The following SEC63 variants were observed in gnomAD, a reference collection of about 807,000 sequenced individuals.
The protein encoded by SEC63 is translocation protein SEC63 homolog.
A neutral mutation model predicts 116.2 loss-of-function variants in SEC63; 56 were observed. That is an observed-to-expected ratio of 0.48 (90% CI 0.39 to 0.60). The LOEUF is 0.60. Among genes scored for constraint, SEC63 ranks in the 20% least tolerant of loss-of-function variants. SEC63 has a pLI of 0.00. For missense variants in SEC63, 668 were observed against 900.0 expected (o/e 0.74, Z 3.30); for synonymous variants, 273 against 294.6 (o/e 0.93, Z 0.75).
Position 107,888,282 on chromosome 6 carries a change from T to C in SEC63, c.1675-5136A>G, listed in dbSNP as rs1233709869. Among the ~76,000 whole-genome samples the C allele has an allele frequency of 1.3e-5, 2 of 152,212 alleles. 1 individual carries two copies. The highest frequency in any genetic ancestry group is 1.3e-4 in the Admixed American group (2 of 15,282). The stretch of plus-strand genomic sequence containing the variant: ...TCTCATTTCCTTGAGCAGTGGTTTG[T>C]AGTTCTCCTTGAAGAGGTCCTTCAC... On this transcript the variant is annotated intron_variant, in intron 16 of 20. Transcript: ENST00000369002.
chr6:107,929,153 C>T (rs1031626161), intron 2 of SEC63, among the ~76,000 whole-genome samples: 1 of 152,196 alleles, frequency 6.6e-6, no homozygotes, highest in African/African-American at 2.4e-5. Flanking sequence ...AAATTCAAAT[C>T]TTGGCACAAG....
intron 18 of SEC63, 84 bp downstream of exon 18, chr6:107,881,065 C>A: frequency 1.0e-6 from 1 of 972,030 alleles, no homozygotes; most frequent in Non-Finnish European, 1.7e-6. Context: ...CTAATACACA[C>A]GACAGAGGGC....
chr6:107,876,865 G>A lies in SEC63; in HGVS notation c.1936-203C>T, dbSNP rs530721736. 567 of 536,082 alleles carry A rather than the reference G, an allele frequency of 1.1e-3. 1 individual carries two copies. Among genetic ancestry groups the A allele is most frequent in the Non-Finnish European group, 1.4e-3 (419 of 301,132 alleles). The allele number at this position is 536,082 out of a possible 1,614,324, so 33.2% of individuals were successfully genotyped here. On this transcript the variant is annotated intron_variant, in intron 18 of 20. Transcript: ENST00000369002. ...TAGATCCATTGCCTAAAAGCATTTT[G>A]TATGCAATTTTGGGGATTTCAATAG...
At position 107,904,675 on chromosome 6, in the gene SEC63, C is replaced by T; in HGVS notation, c.1008G>A (p.Met336Ile). Residue 336 changes from methionine (M) to isoleucine (I), a missense_variant, in exon 11 of 21, where the codon ATG (methionine) becomes ATA (isoleucine). Transcript: ENST00000369002. ...CTATTAGTTGGCAGATTACATTAAC[C>T]ATTTCTTGAAGTAGGGCAGGACACT... is the stretch of plus-strand genomic sequence containing the variant. ...LKKCPALLQEMVNVICQLIVM... is the reference protein window; with the variant it reads ...LKKCPALLQEIVNVICQLIVM... 1 of 1,613,938 alleles carries T rather than the reference C, an allele frequency of 6.2e-7. No individual in the cohort carries two copies. Among genetic ancestry groups the T allele is most frequent in the Non-Finnish European group, 8.5e-7 (1 of 1,179,854 alleles).
rs567441184 is a variant in SEC63, at chr6:107,946,139, A to G, written c.124+11747T>C. Among the ~76,000 whole-genome samples the G allele has an allele frequency of 4.6e-5, 7 of 151,400 alleles. No homozygotes were observed. The South Asian group carries it at 1.3e-3, about 27-fold the overall frequency. Reference sequence around the variant, plus strand: ...TTTAGTAAAGACGGGGTTTCACCATATTGGCCAGGCTGGTCTCGAACTCCC... The same window carrying G: ...TTTAGTAAAGACGGGGTTTCACCATGTTGGCCAGGCTGGTCTCGAACTCCC... On this transcript the variant is annotated intron_variant, in intron 1 of 20. Transcript: ENST00000369002.
intron 16 of SEC63, among the ~76,000 whole-genome samples, chr6:107,891,817 T>C (rs1173619166): frequency 6.6e-6 from 1 of 152,230 alleles, no homozygotes; most frequent in African/African-American, 2.4e-5. Context: ...CAGGCCCCTC[T>C]GCTGCAGGTC....
At position 107,912,721 on chromosome 6, in the gene SEC63, T is replaced by A. The variant is rs776169212; in HGVS notation, c.568A>T (p.Ile190Phe). The change falls in exon 6 of 21, where the codon ATT becomes TTT. Residue 190 changes from isoleucine to phenylalanine, a missense_variant. By Grantham distance (21) the Ile-to-Phe change is conservative. Coordinates refer to ENST00000369002, the MANE Select transcript of SEC63 (RefSeq NM_007214.5). ...TCTTATTTAAATGCACTCACCAGAA[T>A]TGAGTTTTTCTGGTCAACTATCCAA... ...PAWIVDQKNSILVLLVYGLAF... is the reference protein window; with the variant it reads ...PAWIVDQKNSFLVLLVYGLAF... 1 of 1,602,604 alleles carries A rather than the reference T, an allele frequency of 6.2e-7. No individual in the cohort carries two copies.
chr6:107,951,314 A>C (rs1201125714), intron 1 of SEC63, among the ~76,000 whole-genome samples: 10 of 152,222 alleles, frequency 6.6e-5, no homozygotes, highest in Admixed American at 6.5e-4. Context: ...ATTAATAGAC[A>C]ACTATGATAA....
chr6:107,912,708 G>A lies in SEC63; in HGVS notation c.573+8C>T, dbSNP rs746176109. 20 of 1,573,094 alleles carry A rather than the reference G, an allele frequency of 1.3e-5. No homozygotes were observed. The African/African-American group carries it at 2.3e-4, about 18-fold the overall frequency. On this transcript the variant is annotated splice_region_variant and intron_variant, in intron 6 of 20. Transcript: ENST00000369002. ...ACATCATAATGTATCTTATTTAAAT[G>A]CACTCACCAGAATTGAGTTTTTCTG...
intron 1 of SEC63, among the ~76,000 whole-genome samples, chr6:107,946,839 A>G (rs898931678): frequency 3.3e-5 from 5 of 152,140 alleles, no homozygotes; most frequent in Non-Finnish European, 5.9e-5. Context: ...CCCCGTCTCT[A>G]CTAAAAATAC....
intron 14 of SEC63, 67 bp from the exon 15 acceptor site, chr6:107,893,964 C>T: frequency 6.6e-7 from 1 of 1,523,928 alleles, no homozygotes. Context: ...ACAAACAAAG[C>T]AATCTTTCAA....
At position 107,935,044 on chromosome 6, in the gene SEC63, G is replaced by A. The variant is rs527510780; in HGVS notation, c.125-5530C>T. On this transcript the variant is annotated intron_variant, in intron 1 of 20. Coordinates refer to ENST00000369002, the MANE Select transcript of SEC63 (RefSeq NM_007214.5). ...CCACCCCGTCCGGGAGGTGAGGGGC[G>A]CCTCTGCCCAGCCGCCCCTACTGGG... is the stretch of plus-strand genomic sequence containing the variant. Among the ~76,000 whole-genome samples, 154 of 128,892 alleles carry A rather than the reference G, an allele frequency of 1.2e-3. 1 individual carries two copies. The highest frequency in any genetic ancestry group is 4.3e-3 in the African/African-American group (144 of 33,420). The allele number at this position is 128,892 out of a possible 152,430, so 84.6% of individuals were successfully genotyped here. A position where few individuals can be genotyped will look rare whatever the true frequency, so the allele number is the denominator to read the frequency against.
Position 107,957,870 on chromosome 6 carries a change from G to A in SEC63, c.124+16C>T, listed in dbSNP as rs755101058. Reference sequence around the variant, plus strand: ...GGGCCTGCGCGGGTTCGCGGGCAAAGGCCGGCGGGACTCACCGGCATTCTG... The same window carrying A: ...GGGCCTGCGCGGGTTCGCGGGCAAAAGCCGGCGGGACTCACCGGCATTCTG... On this transcript the variant is annotated intron_variant, in intron 1 of 20. Coordinates refer to ENST00000369002, the MANE Select transcript of SEC63 (RefSeq NM_007214.5). 6.2e-7 allele frequency: 1 copy of A among 1,606,934 alleles called. No individual in the cohort carries two copies. The highest frequency in any genetic ancestry group is 1.3e-5 in the African/African-American group (1 of 74,324).
At chr6:107,912,987 G>T (rs1323567978) in intron 5 of SEC63, among the ~76,000 whole-genome samples, 2 of 152,012 alleles carry the variant, frequency 1.3e-5, no homozygotes, top group Non-Finnish European at 2.9e-5. Flanking sequence ...CAAGGAAAAA[G>T]AAACCCTGTA....
chr6:107,937,977 G>A (rs1370500398), intron 1 of SEC63, among the ~76,000 whole-genome samples: 1 of 152,068 alleles, frequency 6.6e-6, no homozygotes, highest in African/African-American at 2.4e-5. Flanking sequence ...TTATTCTGTA[G>A]GTTGTCTGTT....
At position 107,893,528 on chromosome 6, in the gene SEC63, T is replaced by G; in HGVS notation, c.1628A>C (p.Gln543Pro). 1 of 1,613,486 alleles carries G rather than the reference T, an allele frequency of 6.2e-7. No homozygotes were observed. Among genetic ancestry groups the G allele is most frequent in the Non-Finnish European group, 8.5e-7 (1 of 1,179,880 alleles). The change falls in exon 16 of 21, where the codon CAG becomes CCG. Residue 543 changes from glutamine to proline, a missense_variant. By Grantham distance (76) the Gln-to-Pro change is moderately conservative (BLOSUM62 -1). This residue lies in a region of SEC63 where 430 missense variants were observed against 557.5 expected (regional missense o/e 0.77). Transcript: ENST00000369002. ...KKKPTPVLLP[Q>P]SKQQKQKQAN... ...CTGCTTTTGTTTCTGTTGCTTTGAC[T>G]GTGGTAATAGCACAGGTGTAGGTTT...
chr6:107,954,931 A>G (rs1008621711), intron 1 of SEC63, among the ~76,000 whole-genome samples: 1 of 152,252 alleles, frequency 6.6e-6, no homozygotes, highest in African/African-American at 2.4e-5. Flanking sequence ...TAATTTTCAT[A>G]ACACAATTTT....
At chr6:107,894,040 C>T in intron 14 of SEC63, 143 bp from the exon 15 acceptor site, 1 of 841,906 alleles carries the variant, frequency 1.2e-6, no homozygotes, top group East Asian at 2.7e-5. Context: ...TTAGCAATTA[C>T]TAGCTGATGA....
intron 1 of SEC63, among the ~76,000 whole-genome samples, chr6:107,936,317 T>A (rs1333270611): frequency 1.3e-5 from 2 of 152,216 alleles, no homozygotes; most frequent in African/African-American, 4.8e-5. Flanking sequence ...CACATTAACA[T>A]AGTAGCAGTT....
Sources: allele counts gnomAD v4.1 joint callset (sites outside exome capture counted in the v4.1 genomes callset), GRCh38; gene constraint gnomAD v4.1.1; regional missense constraint gnomAD v4.1.1; transcripts MANE v1.5; gene names NCBI Gene and HGNC (gene_info 2026-07-23, HGNC 2026-07-21).